The following PKIG variants were observed in gnomAD, a reference collection of about 807,000 sequenced individuals.
The protein encoded by PKIG is protein kinase (cAMP-dependent, catalytic) inhibitor gamma.
Under a neutral mutation model 6.8 loss-of-function variants are expected in PKIG, and 1 was observed. The observed-to-expected ratio is 0.15, with a 90% CI of 0.05 to 0.69. The LOEUF is 0.69. PKIG is among the 30% of genes least tolerant of loss of function. The pLI is 0.82. For missense variants in PKIG, 77 were observed against 104.0 expected, an observed-to-expected ratio of 0.74 and a Z score of 1.13; for synonymous variants, 39 against 43.0, an observed-to-expected ratio of 0.91 and a Z score of 0.36.
intron 1 of PKIG, among the ~76,000 whole-genome samples, chr20:44,573,992 G>A (rs2123303827): frequency 6.6e-6 from 1 of 152,260 alleles, no homozygotes; most frequent in Middle Eastern, 3.4e-3. Context: ...AAAAGTCTCT[G>A]AGTCTAGAAA....
chr20:44,565,667 A>G (rs915158933), intron 1 of PKIG, among the ~76,000 whole-genome samples: 1 of 152,172 alleles, frequency 6.6e-6, no homozygotes, highest in South Asian at 2.1e-4. Flanking sequence ...TAATCTTTAT[A>G]TCCTTCATGC....
intron 1 of PKIG, among the ~76,000 whole-genome samples, chr20:44,563,886 T>C (rs1703465937): frequency 6.6e-6 from 1 of 152,232 alleles, no homozygotes; most frequent in Admixed American, 6.5e-5. Context: ...AAGCTATTTA[T>C]ATTGATAGGA....
At chr20:44,576,998 C>T (rs1336642279) in intron 1 of PKIG, among the ~76,000 whole-genome samples, 3 of 152,078 alleles carry the variant, frequency 2.0e-5, no homozygotes, top group South Asian at 2.1e-4. Context: ...GCCACGTGTA[C>T]TCCAAAACCA....
intron 3 of PKIG, among the ~76,000 whole-genome samples, chr20:44,617,244 G>C (rs2065273407): frequency 1.3e-5 from 2 of 152,130 alleles, no homozygotes; most frequent in Admixed American, 6.5e-5. Context: ...GGTCTGGTTG[G>C]GCTGGATTTG....
intron 1 of PKIG, among the ~76,000 whole-genome samples, chr20:44,568,571 C>T (rs1395783677): frequency 6.6e-6 from 1 of 152,028 alleles, no homozygotes; most frequent in Non-Finnish European, 1.5e-5. Flanking sequence ...CTGCCTCAGC[C>T]TCACGAGTAG....
intron 1 of PKIG, among the ~76,000 whole-genome samples, chr20:44,574,843 T>G (rs557970127): frequency 1.3e-4 from 20 of 152,330 alleles, no homozygotes; most frequent in South Asian, 8.3e-4. Context: ...GTGTTGAGAT[T>G]ACAGGCGTGA....
chr20:44,586,052 C>T (rs1379428457), intron 1 of PKIG, among the ~76,000 whole-genome samples: 1 of 151,880 alleles, frequency 6.6e-6, no homozygotes, highest in East Asian at 1.9e-4. Context: ...TGAGAGCTCT[C>T]GAGTTCAGTG....
At chr20:44,602,575 G>A (rs1222649025) in intron 2 of PKIG, among the ~76,000 whole-genome samples, 1 of 152,014 alleles carries the variant, frequency 6.6e-6, no homozygotes, top group African/African-American at 2.4e-5. Flanking sequence ...GCTCATGCCT[G>A]TAATCCCAGC....
At position 44,582,705 on chromosome 20, in the gene PKIG, A is replaced by T; in HGVS notation, c.-120A>T. ...CTGCCTCCGCTTCTGACTGAGGACCACTGGATTTTGAGGAAACTTTGGTCT... is the reference window on the plus strand; with the variant it reads ...CTGCCTCCGCTTCTGACTGAGGACCTCTGGATTTTGAGGAAACTTTGGTCT... On this transcript the variant is annotated 5_prime_UTR_variant, in exon 1 of 4. Transcript: ENST00000372886. 6.6e-6 allele frequency: 1 copy of T among 152,498 alleles called. No homozygotes were observed. The highest frequency in any genetic ancestry group is 1.5e-5 in the Non-Finnish European group (1 of 68,080). The allele number at this position is 152,498 out of a possible 1,614,324, so 9.4% of individuals were successfully genotyped here.
At chr20:44,610,608 T>C (rs1316466681) in intron 2 of PKIG, among the ~76,000 whole-genome samples, 1 of 152,026 alleles carries the variant, frequency 6.6e-6, no homozygotes, top group Admixed American at 6.6e-5. Flanking sequence ...TCTAAAAGCA[T>C]TGCACAATAA....
intron 1 of PKIG, among the ~76,000 whole-genome samples, chr20:44,547,532 T>C (rs1459716127): frequency 1.3e-5 from 2 of 152,080 alleles, no homozygotes; most frequent in East Asian, 1.9e-4. Flanking sequence ...TGAGGATCAC[T>C]TGAGTTGACA....
intron 2 of PKIG, among the ~76,000 whole-genome samples, chr20:44,601,307 G>T (rs1280764791): frequency 6.6e-6 from 1 of 152,236 alleles, no homozygotes; most frequent in Non-Finnish European, 1.5e-5. Flanking sequence ...TCCAAACAAA[G>T]CCTCACCCAG....
intron 1 of PKIG, among the ~76,000 whole-genome samples, chr20:44,548,679 G>A (rs2064638524): frequency 6.6e-6 from 1 of 152,042 alleles, no homozygotes; most frequent in South Asian, 2.1e-4. Flanking sequence ...ATAACAATTT[G>A]CTCAACTCCT....
At chr20:44,587,741 C>G (rs1459640593) in intron 1 of PKIG, among the ~76,000 whole-genome samples, 1 of 152,144 alleles carries the variant, frequency 6.6e-6, no homozygotes, top group African/African-American at 2.4e-5. Flanking sequence ...TCCCAATCCC[C>G]CCACCCACAT....
At position 44,614,768 on chromosome 20, in the gene PKIG, C is replaced by G. The variant is rs2065249598; in HGVS notation, c.151+61C>G. On this transcript the variant is annotated intron_variant, in intron 3 of 3. Transcript: ENST00000372886. The surrounding 1 kb of genome is among the most constrained non-coding windows in gnomAD (Gnocchi z 4.6). ...CAGAGGCCCTCTGCCGGGCCCCGGG[C>G]TAGCCTCCAAGTCCTAGACTGCCCA... 10 of 1,572,970 alleles carry G rather than the reference C, an allele frequency of 6.4e-6. No homozygotes were observed. The highest frequency in any genetic ancestry group is 8.7e-6 in the Non-Finnish European group (10 of 1,151,118).
chr20:44,533,749 A>G (rs1284942198), intron 1 of PKIG, among the ~76,000 whole-genome samples: 1 of 152,208 alleles, frequency 6.6e-6, no homozygotes, highest in African/African-American at 2.4e-5. Flanking sequence ...TGAGCCATGC[A>G]CTTAGTCTAC....
intron 2 of PKIG, among the ~76,000 whole-genome samples, chr20:44,595,342 CT>C (rs2065066443): frequency 6.6e-6 from 1 of 152,230 alleles, no homozygotes; most frequent in African/African-American, 2.4e-5. Context: ...TTGTGGGCCA[CT>C]GTGCTCCCTT....
chr20:44,557,875 A>G (rs1475827661), intron 1 of PKIG, among the ~76,000 whole-genome samples: 2 of 152,056 alleles, frequency 1.3e-5, no homozygotes, highest in Admixed American at 1.3e-4. Flanking sequence ...TATGGTACAA[A>G]CATGAGACTT....
chr20:44,610,526 A>C (rs1290347441), intron 2 of PKIG, among the ~76,000 whole-genome samples: 1 of 151,322 alleles, frequency 6.6e-6, no homozygotes, highest in East Asian at 1.9e-4. Context: ...ACACACACAC[A>C]CACCTGCAGC....
Sources: gnomAD v4.1 joint callset for allele counts (sites outside exome capture counted in the v4.1 genomes callset) on GRCh38, gnomAD v4.1.1 for gene constraint, Gnocchi (gnomAD v3.1) non-coding constraint, MANE v1.5 for transcripts, NCBI Gene and HGNC (gene_info 2026-07-23, HGNC 2026-07-21) for gene names.